The following CPAMD8 variants were observed in gnomAD, a reference collection of about 807,000 sequenced individuals.
The protein encoded by CPAMD8 is C3 and PZP like alpha-2-macroglobulin domain containing 8.
CPAMD8 carries 146 observed loss-of-function variants against 224.7 expected under a neutral mutation model. The observed-to-expected ratio is 0.65, with a 90% CI of 0.57 to 0.75. The LOEUF (loss-of-function observed/expected upper bound fraction) is 0.75, where lower values mean the gene tolerates loss of function less well. Ranked by LOEUF, CPAMD8 falls within the 30% of genes least tolerant of loss-of-function variation. The pLI, the probability that CPAMD8 is intolerant of heterozygous loss-of-function variation, is 0.00. For missense variants in CPAMD8, 2,301 were observed against 2,537.5 expected (o/e 0.91, Z 2.00); for synonymous variants, 966 against 1,044.6 (o/e 0.92, Z 1.45).
chr19:17,003,432 A>C (rs1310538050), intron 8 of CPAMD8, among the ~76,000 whole-genome samples: 1 of 151,540 alleles, frequency 6.6e-6, no homozygotes, highest in Non-Finnish European at 1.5e-5. Context: ...TCCTGGCCTC[A>C]AGCGATCCTC....
chr19:16,901,259 T>C lies in CPAMD8; in HGVS notation c.4724A>G (p.Glu1575Gly). 1.2e-6 allele frequency: 2 copies of C among 1,612,664 alleles called. No homozygotes were observed. The highest frequency in any genetic ancestry group is 1.7e-6 in the Non-Finnish European group (2 of 1,179,614). ...HAGSSNMAVL[E>G]VPLLSGFRAD... ...CCGGAAGCCTGACAGCAGGGGCACC[T>C]CCAGGACAGCCATATTGGAAGACCC... The change falls in exon 36 of 42, where the codon GAG becomes GGG. Residue 1575 changes from glutamate (E) to glycine (G), a missense_variant. Transcript: ENST00000443236.
intron 18 of CPAMD8, among the ~76,000 whole-genome samples, chr19:16,970,073 A>C (rs1054740200): frequency 5.4e-5 from 8 of 149,466 alleles, no homozygotes; most frequent in Non-Finnish European, 8.9e-5. Flanking sequence ...TCTCTACTAA[A>C]AATACAAAAA....
At chr19:16,962,617 T>C (rs1375676814) in intron 18 of CPAMD8, among the ~76,000 whole-genome samples, 2 of 152,188 alleles carry the variant, frequency 1.3e-5, no homozygotes, top group African/African-American at 4.8e-5. Flanking sequence ...GAAAACACTC[T>C]GCAGGATATT....
intron 35 of CPAMD8, among the ~76,000 whole-genome samples, chr19:16,902,431 C>G (rs965762151): frequency 6.6e-6 from 1 of 152,230 alleles, no homozygotes; most frequent in East Asian, 1.9e-4. Context: ...ACAGGAGAAC[C>G]ATTTGAACCC....
At chr19:16,986,181 C>T (rs111527516) in intron 13 of CPAMD8, among the ~76,000 whole-genome samples, 2,178 of 152,214 alleles carry the variant, frequency 0.014, 53 homozygotes, top group African/African-American at 0.049. Context: ...TCCCCCCTGC[C>T]GGGGCCCTGG....
intron 13 of CPAMD8, among the ~76,000 whole-genome samples, chr19:16,980,909 C>T (rs981253118): frequency 2.0e-5 from 3 of 152,018 alleles, no homozygotes; most frequent in Admixed American, 6.6e-5. Flanking sequence ...GATCTCAGCT[C>T]GCTGCAACCT....
At chr19:16,951,737 T>C (rs1010071546) in intron 20 of CPAMD8, among the ~76,000 whole-genome samples, 1 of 152,078 alleles carries the variant, frequency 6.6e-6, no homozygotes, top group African/African-American at 2.4e-5. Context: ...GGTTGGTGAA[T>C]CAGAGGCTGA....
intron 20 of CPAMD8, among the ~76,000 whole-genome samples, chr19:16,948,766 G>A (rs2054187807): frequency 7.0e-6 from 1 of 143,764 alleles, no homozygotes; most frequent in Non-Finnish European, 1.5e-5. Context: ...GGGTAAGGAG[G>A]AGAAAAGACG....
chr19:17,002,189 G>A (rs969121095), intron 9 of CPAMD8, 77 bp downstream of exon 9: 58 of 970,506 alleles, frequency 6.0e-5, no homozygotes, highest in African/African-American at 2.0e-4. Flanking sequence ...GGAGGGGAAC[G>A]ACCTTGAGGG....
intron 27 of CPAMD8, 100 bp downstream of exon 27, chr19:16,921,805 G>C (rs1046227446): frequency 1.2e-5 from 9 of 731,858 alleles, no homozygotes; most frequent in African/African-American, 1.2e-4. Context: ...TGTCATCCGG[G>C]GATCAGGCGC....
Position 16,896,537 on chromosome 19 carries a change from CG to C in CPAMD8, c.5193del (p.Tyr1731Ter), listed in dbSNP as rs551444758. ...NPVCGSDGVV[Y>X]ASACRLREAA... is the part of the protein sequence containing the mutation. ...GCCTCCCGCAGGCGGCAGGCGCTGG[CG>C]TAGACCACCCCGTCGGAGCCGCACA... On this transcript the variant is annotated frameshift_variant, in exon 40 of 42. Transcript: ENST00000443236. LOFTEE classifies it high-confidence loss of function. 3 of 1,491,282 alleles carry C rather than the reference CG, an allele frequency of 2.0e-6. No individual in the cohort carries two copies. In the African/African-American group the frequency reaches 4.3e-5, roughly 21 times the overall value. 92.4% of individuals were successfully genotyped at this position (1,491,282 alleles called of 1,614,324 possible).
At chr19:17,009,228 A>C (rs2056581125) in intron 6 of CPAMD8, 75 bp downstream of exon 6, 2 of 1,612,934 alleles carry the variant, frequency 1.2e-6, no homozygotes. Context: ...CAGTGAGCGA[A>C]GACAGACCAG....
At chr19:16,969,623 TA>T (rs1243697463) in intron 18 of CPAMD8, among the ~76,000 whole-genome samples, 2 of 152,166 alleles carry the variant, frequency 1.3e-5, no homozygotes, top group Non-Finnish European at 2.9e-5. Context: ...CTCACGCCTG[TA>T]ATCCCAGCAC....
rs1265037084 is a variant in CPAMD8 at position 16,898,038 on chromosome 19, CCCGGGGCG to C, written c.4849-52_4849-45del. 1.4e-6 allele frequency: 2 copies of C among 1,471,944 alleles called. No homozygotes were observed. Among genetic ancestry groups the C allele is most frequent in the Non-Finnish European group, 1.9e-6 (2 of 1,080,094 alleles). The allele number at this position is 1,471,944 out of a possible 1,614,324, so 91.2% of individuals were successfully genotyped here. ...CGCAGGCTCGACCCGGGCCAGGAGG[CCCGGGGCG>C]CTGAGCTCAGGCCCAGAACTGGCTG... On this transcript the variant is annotated intron_variant, in intron 37 of 41. Transcript: ENST00000443236. This position sits in a 1 kb window ranked among gnomAD's most constrained non-coding sequence, Gnocchi z 4.2.
At chr19:17,024,542 AAG>A (rs1424098938) in intron 1 of CPAMD8, among the ~76,000 whole-genome samples, 1 of 152,222 alleles carries the variant, frequency 6.6e-6, no homozygotes, top group African/African-American at 2.4e-5. Context: ...GTGAGTGTAG[AAG>A]AGAGAGTAAG....
intron 1 of CPAMD8, among the ~76,000 whole-genome samples, chr19:17,022,870 G>A (rs938379156): frequency 1.3e-5 from 2 of 151,876 alleles, no homozygotes; most frequent in South Asian, 2.1e-4. Context: ...CCAGGTAACC[G>A]GCAGGATCCC....
rs758554558 is a variant in CPAMD8 at position 17,020,323 on chromosome 19, C to T, written c.267+8G>A. 9.5e-6 allele frequency: 15 copies of T among 1,579,220 alleles called. No individual in the cohort carries two copies. Among genetic ancestry groups the T allele is most frequent in the Admixed American group, 1.7e-5 (1 of 59,610 alleles). ...TCAGGTTTATGATTTTAAAAATCAA[C>T]GGCTTACCTTGAGTTTGATTGTCCC... On this transcript the variant is annotated splice_region_variant and intron_variant, in intron 3 of 41. Coordinates refer to ENST00000443236, the MANE Select transcript of CPAMD8 (RefSeq NM_015692.5).
intron 27 of CPAMD8, among the ~76,000 whole-genome samples, chr19:16,920,767 A>T (rs548097091): frequency 6.6e-6 from 1 of 150,978 alleles, no homozygotes; most frequent in South Asian, 2.1e-4. Context: ...GAGGCAGGAG[A>T]ATTGCTTGAA....
intron 29 of CPAMD8, among the ~76,000 whole-genome samples, chr19:16,912,983 T>G (rs2052786113): frequency 6.6e-6 from 1 of 152,240 alleles, no homozygotes; most frequent in South Asian, 2.1e-4. Context: ...CCTGGAATTC[T>G]ATACCCAGCC....
Sources: gnomAD v4.1 joint callset for allele counts (sites outside exome capture counted in the v4.1 genomes callset) on GRCh38, gnomAD v4.1.1 for gene constraint, Gnocchi (gnomAD v3.1) non-coding constraint, MANE v1.5 for transcripts, NCBI Gene and HGNC (gene_info 2026-07-23, HGNC 2026-07-21) for gene names.